The following TIAM1 variants were observed in gnomAD, a reference collection of about 807,000 sequenced individuals.
The protein encoded by TIAM1 is TIAM Rac1 associated GEF 1, also known as rho guanine nucleotide exchange factor TIAM1.
A neutral mutation model predicts 163.5 loss-of-function variants in TIAM1; 65 were observed. The ratio of observed to expected loss-of-function variants is 0.40; its 90% CI spans 0.33 to 0.49. TIAM1 has a LOEUF of 0.49. Among genes scored for constraint, TIAM1 ranks in the 20% least tolerant of loss-of-function variants. The probability of loss-of-function intolerance (pLI) is 0.77; values close to 1 mark genes in which losing one functional copy is unlikely to be tolerated. For missense variants in TIAM1, 1,789 were observed against 2,044.7 expected (o/e 0.87, Z 2.41); for synonymous variants, 833 against 810.1 (o/e 1.03, Z -0.48).
intron 2 of TIAM1, among the ~76,000 whole-genome samples, chr21:31,434,241 T>C (rs1390353417): frequency 1.3e-5 from 2 of 152,068 alleles, no homozygotes; most frequent in Non-Finnish European, 2.9e-5. Context: ...AATTTAAAAA[T>C]TGGACAAAAT....
chr21:31,422,732 A>G (rs1054553578), intron 2 of TIAM1, among the ~76,000 whole-genome samples: 1 of 152,140 alleles, frequency 6.6e-6, no homozygotes, highest in Non-Finnish European at 1.5e-5. Flanking sequence ...TCATGAACAC[A>G]TTGAGTATCT....
intron 1 of TIAM1, among the ~76,000 whole-genome samples, chr21:31,499,483 G>A (rs1006839916): frequency 6.6e-6 from 1 of 152,016 alleles, no homozygotes; most frequent in Non-Finnish European, 1.5e-5. Flanking sequence ...CAAGGTTATG[G>A]TGAGCAACGG....
At chr21:31,432,091 CTTTTT>C (rs11291911) in intron 2 of TIAM1, among the ~76,000 whole-genome samples, 25 of 93,658 alleles carry the variant, frequency 2.7e-4, no homozygotes, top group African/African-American at 9.6e-4. Flanking sequence ...TCTAAGATTC[CTTTTT>C]TTTTTTTTTT....
intron 2 of TIAM1, among the ~76,000 whole-genome samples, chr21:31,393,769 C>T (rs117132812): frequency 1.8e-4 from 27 of 152,294 alleles, no homozygotes; most frequent in Non-Finnish European, 3.2e-4. Flanking sequence ...ACAGAACCAG[C>T]ACTCAGAATG....
chr21:31,375,884 G>A (rs988808267), intron 2 of TIAM1, among the ~76,000 whole-genome samples: 5 of 151,492 alleles, frequency 3.3e-5, no homozygotes, highest in South Asian at 4.2e-4. Context: ...AAAATTAGCC[G>A]GGCATGATGG....
chr21:31,525,388 G>A (rs1477469112), intron 1 of TIAM1, among the ~76,000 whole-genome samples: 1 of 150,052 alleles, frequency 6.7e-6, no homozygotes, highest in Non-Finnish European at 1.5e-5. Context: ...AAAAAAATCA[G>A]ATCTGACGGG....
intron 4 of TIAM1, among the ~76,000 whole-genome samples, chr21:31,253,601 G>T (rs1343951197): frequency 6.6e-6 from 1 of 152,148 alleles, no homozygotes; most frequent in Non-Finnish European, 1.5e-5. Flanking sequence ...GAAAAAAGAG[G>T]GTGGTGGGAG....
In TIAM1 at chr21:31,359,805, AAAGGAAGGAAGGAAGGAAGG is replaced by A. The variant is rs767750965; in HGVS notation, c.-368-20403_-368-20384del. ...TCTGTCAAAAGAGAAAAAGAAAGAA[AAAGGAAGGAAGGAAGGAAGG>A]AAGGAAGGAAGGAAGGAAGGAAGGA... On this transcript the variant is annotated intron_variant, in intron 2 of 28. Coordinates refer to the TIAM1 transcript ENST00000286827. Among the ~76,000 whole-genome samples the A allele has an allele frequency of 4.4e-3, 395 of 90,730 alleles. 4 individuals carry two copies. The highest frequency in any genetic ancestry group is 0.014 in the African/African-American group (306 of 22,216). The allele number at this position is 90,730 out of a possible 152,430, so 59.5% of individuals were successfully genotyped here.
chr21:31,495,553 C>T (rs192394958), intron 1 of TIAM1, among the ~76,000 whole-genome samples: 1 of 152,238 alleles, frequency 6.6e-6, no homozygotes, highest in African/African-American at 2.4e-5. Context: ...CCTCCCAACA[C>T]CATCATACTA....
chr21:31,228,245 A>G (rs1601626821), intron 6 of TIAM1, among the ~76,000 whole-genome samples: 10 of 67,106 alleles, frequency 1.5e-4, no homozygotes, highest in South Asian at 7.5e-4. Flanking sequence ...AAAAAAAAAA[A>G]AAAAAAAAAA....
chr21:31,425,584 C>CT (rs533484712), intron 2 of TIAM1, among the ~76,000 whole-genome samples: 10,659 of 137,706 alleles, frequency 0.077, 1,397 homozygotes, highest in African/African-American at 0.27. Flanking sequence ...CCAGGGACTG[C>CT]TTTTTTTTTT....
At chr21:31,379,851 G>T (rs2076748152) in intron 2 of TIAM1, among the ~76,000 whole-genome samples, 1 of 152,190 alleles carries the variant, frequency 6.6e-6, no homozygotes, top group Non-Finnish European at 1.5e-5. Flanking sequence ...AATGGTTGGG[G>T]TTGGGGATTG....
chr21:31,257,633 G>A (rs989983293), intron 4 of TIAM1, among the ~76,000 whole-genome samples: 6 of 151,780 alleles, frequency 4.0e-5, no homozygotes, highest in Non-Finnish European at 8.8e-5. Context: ...CAATCCATCC[G>A]GCACACCACT....
At chr21:31,131,253 A>C (rs2082403745) in intron 23 of TIAM1, among the ~76,000 whole-genome samples, 1 of 152,258 alleles carries the variant, frequency 6.6e-6, no homozygotes, top group African/African-American at 2.4e-5. Flanking sequence ...ACTTCAGCTG[A>C]TACATATTCA....
Position 31,267,084 on chromosome 21 carries a change from T to C in TIAM1, c.-11-101A>G, listed in dbSNP as rs1449704391. 5.4e-6 allele frequency: 8 copies of C among 1,471,862 alleles called. No homozygotes were observed. In the African/African-American group the frequency reaches 1.1e-4, roughly 21 times the overall value. 91.2% of individuals were successfully genotyped at this position (1,471,862 alleles called of 1,614,324 possible). A position where few individuals can be genotyped will look rare whatever the true frequency, so the allele number is the denominator to read the frequency against. On this transcript the variant is annotated intron_variant, in intron 3 of 27. Coordinates refer to ENST00000541036, the MANE Select transcript of TIAM1 (RefSeq NM_001353694.2). ...AGCCTGCAGGGAGGGCAGAACACCT[T>C]GGCTCACAGGGGTTGTTAGGTAAGT...
intron 1 of TIAM1, among the ~76,000 whole-genome samples, 156 bp downstream of exon 1, chr21:31,343,981 AG>A (rs2076094203): frequency 6.6e-6 from 1 of 152,194 alleles, no homozygotes; most frequent in Admixed American, 6.5e-5. Context: ...CGTTCTGGGA[AG>A]GGGCACGGGA....
At chr21:31,163,362 AAAT>A (rs1232700221) in intron 16 of TIAM1, among the ~76,000 whole-genome samples, 1 of 152,238 alleles carries the variant, frequency 6.6e-6, no homozygotes, top group Non-Finnish European at 1.5e-5. Context: ...AGGGTCACCT[AAAT>A]AAAAAGGAAC....
chr21:31,542,022 T>C (rs2048336916), intron 1 of TIAM1, among the ~76,000 whole-genome samples: 1 of 152,080 alleles, frequency 6.6e-6, no homozygotes, highest in South Asian at 2.1e-4. Context: ...CACCCCTCCC[T>C]CTGTGGTCAT....
At chr21:31,425,373 G>C (rs2043746856) in intron 2 of TIAM1, among the ~76,000 whole-genome samples, 1 of 152,130 alleles carries the variant, frequency 6.6e-6, no homozygotes, top group Non-Finnish European at 1.5e-5. Context: ...CACTCCACAG[G>C]TCTGAGTCTT....
Sources: gnomAD v4.1 joint callset for allele counts (sites outside exome capture counted in the v4.1 genomes callset) on GRCh38, gnomAD v4.1.1 for gene constraint, MANE v1.5 for transcripts, NCBI Gene and HGNC (gene_info 2026-07-23, HGNC 2026-07-21) for gene names.